Variants in RPSA2 observed in about 807,000 individuals in gnomAD.
The protein encoded by RPSA2 is small ribosomal subunit protein uS2B.
the RPSA2 span, among the ~76,000 whole-genome samples, chr19:23,764,333 A>T: frequency 6.6e-6 from 1 of 152,238 alleles, no homozygotes. Flanking sequence ...AATGTAGGAA[A>T]TGAGGACAAA....
chr19:23,869,313 T>C, the RPSA2 span, among the ~76,000 whole-genome samples: 53 of 152,336 alleles, frequency 3.5e-4, no homozygotes, highest in Middle Eastern at 3.4e-3. Context: ...GTCTTACAAC[T>C]GAAGCTCAAG....
chr19:23,821,896 C>G, the RPSA2 span, among the ~76,000 whole-genome samples: 2 of 152,186 alleles, frequency 1.3e-5, no homozygotes, highest in South Asian at 4.1e-4. Flanking sequence ...AGCCTCTGCT[C>G]TGTTTCCTTT....
chr19:23,781,864 G>A, the RPSA2 span, among the ~76,000 whole-genome samples: 1 of 152,052 alleles, frequency 6.6e-6, no homozygotes, highest in Non-Finnish European at 1.5e-5. Flanking sequence ...TTTTTCCTGG[G>A]CCCAGTTCAC....
chr19:23,867,541 A>AT, the RPSA2 span, among the ~76,000 whole-genome samples: 3 of 10,626 alleles, frequency 2.8e-4, no homozygotes, highest in Non-Finnish European at 1.2e-3. Context: ...ACAGACAAAA[A>AT]AGACTGGGGC....
chr19:23,854,235 C>T, the RPSA2 span, among the ~76,000 whole-genome samples: 5 of 152,232 alleles, frequency 3.3e-5, no homozygotes, highest in South Asian at 2.1e-4. Context: ...GAGGTGGATG[C>T]CCTACCTAAC....
At chr19:23,777,990 G>T in the RPSA2 span, among the ~76,000 whole-genome samples, 1 of 152,220 alleles carries the variant, frequency 6.6e-6, no homozygotes, top group Admixed American at 6.5e-5. Context: ...GCACCAAGCT[G>T]ATGTGACTTG....
the RPSA2 span, among the ~76,000 whole-genome samples, chr19:23,828,882 G>A: frequency 6.6e-6 from 1 of 151,650 alleles, no homozygotes; most frequent in East Asian, 1.9e-4. Context: ...TGCTTTCTGT[G>A]TGTTTCTTCC....
chr19:23,767,368 C>A, the RPSA2 span, among the ~76,000 whole-genome samples: 6 of 152,182 alleles, frequency 3.9e-5, no homozygotes, highest in Admixed American at 3.3e-4. Context: ...TGTGAGCCAC[C>A]ACGCCTGGCC....
At chr19:23,801,019 C>A in the RPSA2 span, among the ~76,000 whole-genome samples, 3 of 152,054 alleles carry the variant, frequency 2.0e-5, no homozygotes, top group Non-Finnish European at 4.4e-5. Flanking sequence ...GCCCAGAAAC[C>A]CAATCAGTGT....
the RPSA2 span, chr19:23,762,819 G>A: frequency 3.3e-5 from 5 of 152,364 alleles, no homozygotes; most frequent in East Asian, 9.7e-4. Context: ...CCCTGTGCAT[G>A]TTACCTTACC....
At chr19:23,856,787 AC>A in the RPSA2 span, among the ~76,000 whole-genome samples, 1 of 152,150 alleles carries the variant, frequency 6.6e-6, no homozygotes, top group Admixed American at 6.5e-5. Flanking sequence ...GAGCCACAAA[AC>A]CAGCAGGTTT....
the RPSA2 span, among the ~76,000 whole-genome samples, chr19:23,828,319 CTTTCT>C: frequency 5.6e-4 from 49 of 88,118 alleles, no homozygotes; most frequent in Admixed American, 1.4e-3. Flanking sequence ...AGCATTCTTT[CTTTCT>C]TTTTTTTTTT....
chr19:23,791,987 G>C, the RPSA2 span, among the ~76,000 whole-genome samples: 5 of 152,086 alleles, frequency 3.3e-5, no homozygotes, highest in Non-Finnish European at 5.9e-5. Flanking sequence ...CTTCCAAAAT[G>C]CTGGGATTAC....
chr19:23,837,826 T>G, the RPSA2 span, among the ~76,000 whole-genome samples: 3 of 152,222 alleles, frequency 2.0e-5, no homozygotes, highest in Non-Finnish European at 2.9e-5. Flanking sequence ...TTTCTGAATT[T>G]TGTCAGTTCT....
chr19:23,864,112 T>C, the RPSA2 span, among the ~76,000 whole-genome samples: 148,968 of 152,290 alleles, frequency 0.98, 72,952 homozygotes, highest in Middle Eastern at 1. Context: ...CATTTTCCTG[T>C]CGAAAAAGTA....
the RPSA2 span, among the ~76,000 whole-genome samples, chr19:23,858,692 G>A: frequency 7.5e-5 from 11 of 147,264 alleles, no homozygotes; most frequent in Admixed American, 2.0e-4. Flanking sequence ...AATAGGAAAG[G>A]AGCTACATGT....
chr19:23,835,782 C>T, the RPSA2 span, among the ~76,000 whole-genome samples: 29 of 151,746 alleles, frequency 1.9e-4, no homozygotes, highest in Admixed American at 4.6e-4. Context: ...TACATGTGCC[C>T]GCCACCATGC....
chr19:23,865,160 G>C, the RPSA2 span, among the ~76,000 whole-genome samples: 5 of 152,198 alleles, frequency 3.3e-5, no homozygotes, highest in Non-Finnish European at 5.9e-5. Flanking sequence ...GGACAAATAT[G>C]CTGGCAGTGG....
At chr19:23,824,584 T>TTTTTTTTTTTTTTC in the RPSA2 span, among the ~76,000 whole-genome samples, 1 of 1,434 alleles carries the variant, frequency 7.0e-4, no homozygotes, top group African/African-American at 8.1e-4. Flanking sequence ...GCATTTCTTT[T>TTTTTTTTTTTTTTC]TTTTTTTTTT....
Sources: allele counts gnomAD v4.1 joint callset (sites outside exome capture counted in the v4.1 genomes callset), GRCh38; gene constraint gnomAD v4.1.1; transcripts MANE v1.5; gene names NCBI Gene and HGNC (gene_info 2026-07-23, HGNC 2026-07-21).